The following TDRD9 variants were observed in gnomAD, a reference collection of about 807,000 sequenced individuals.
The protein encoded by TDRD9 is tudor domain containing 9.
Under a neutral mutation model 172.6 loss-of-function variants are expected in TDRD9, and 124 were observed. The observed-to-expected ratio is 0.72, with a 90% CI of 0.62 to 0.83. The LOEUF is 0.83. Ranked by LOEUF, TDRD9 falls within the 40% of genes least tolerant of loss-of-function variation. TDRD9 has a pLI of 0.00. For synonymous variants in TDRD9, 619 were observed against 617.1 expected (o/e 1.00, Z -0.05); for missense variants, 1,479 against 1,714.1 (o/e 0.86, Z 2.42).
rs745561719 is a variant in TDRD9, at chr14:103,995,725, A to G, written c.1321-25A>G. ...ATGTTCGGAATATAGTAGGAATGTC[A>G]GCTTTTTTCTTTGATGTTTAACAGA... On this transcript the variant is annotated intron_variant, in intron 11 of 35. Transcript: ENST00000409874. 7 of 1,574,152 alleles carry G rather than the reference A, an allele frequency of 4.4e-6. No individual in the cohort carries two copies. In the South Asian group the frequency reaches 6.0e-5, roughly 13 times the overall value.
chr14:104,024,753 C>T (rs1321056993), intron 25 of TDRD9, 73 bp downstream of exon 25: 16 of 18,194 alleles, frequency 8.8e-4, no homozygotes, highest in Non-Finnish European at 1.9e-3. Flanking sequence ...GAAGTTTACA[C>T]ACACACACAC....
chr14:103,940,636 A>AAC, intron 1 of TDRD9: 1 of 518,724 alleles, frequency 1.9e-6, no homozygotes, highest in East Asian at 2.9e-5. Flanking sequence ...ATTCAATGAA[A>AAC]ACATAGCATG....
chr14:104,024,061 G>A lies in TDRD9; in HGVS notation c.2607-508G>A, dbSNP rs112658967. Among the ~76,000 whole-genome samples the A allele has an allele frequency of 8.3e-4, 127 of 152,186 alleles. 2 individuals are homozygous for A. Among genetic ancestry groups the A allele is most frequent in the African/African-American group, 2.8e-3 (118 of 41,534 alleles). ...TTGTCTTTTGTATTCCAGAAGTTTA[G>A]CATTTACTATCTTATTGCCTTTAAG... On this transcript the variant is annotated intron_variant, in intron 24 of 35. Transcript: ENST00000409874.
chr14:104,008,879 A>G (rs1240209390), intron 20 of TDRD9, among the ~76,000 whole-genome samples: 1 of 152,218 alleles, frequency 6.6e-6, no homozygotes, highest in African/African-American at 2.4e-5. Context: ...GCACCAATAT[A>G]TTCTAGCCTG....
intron 2 of TDRD9, 69 bp from the exon 3 acceptor site, chr14:103,963,010 T>A (rs2032580837): frequency 2.4e-6 from 2 of 843,440 alleles, no homozygotes; most frequent in Non-Finnish European, 3.8e-6. Flanking sequence ...TATCTATAGA[T>A]TAGAACATTG....
chr14:103,973,081 G>A (rs922620792), intron 6 of TDRD9, among the ~76,000 whole-genome samples: 1 of 152,146 alleles, frequency 6.6e-6, no homozygotes, highest in African/African-American at 2.4e-5. Flanking sequence ...CTACACTGAT[G>A]GACATGTTGG....
At chr14:103,965,882 T>C (rs1012396930) in intron 4 of TDRD9, among the ~76,000 whole-genome samples, 2 of 151,514 alleles carry the variant, frequency 1.3e-5, no homozygotes, top group African/African-American at 4.9e-5. Context: ...GAGGCAGAGG[T>C]TGCAGTGAGC....
At chr14:104,009,847 C>G (rs1057058326) in intron 20 of TDRD9, among the ~76,000 whole-genome samples, 3 of 152,118 alleles carry the variant, frequency 2.0e-5, no homozygotes, top group Admixed American at 6.5e-5. Flanking sequence ...CTCATAGAAG[C>G]CTTGACTTCC....
chr14:104,003,867 G>C (rs756634353), intron 13 of TDRD9, among the ~76,000 whole-genome samples: 1 of 152,128 alleles, frequency 6.6e-6, no homozygotes, highest in Non-Finnish European at 1.5e-5. Context: ...CGCCAACCTC[G>C]TGACTTTCTG....
intron 8 of TDRD9, among the ~76,000 whole-genome samples, chr14:103,990,269 C>T (rs1324408724): frequency 6.6e-6 from 1 of 152,234 alleles, no homozygotes; most frequent in Non-Finnish European, 1.5e-5. Flanking sequence ...AGGTGTGGCT[C>T]ACCCTCATAG....
At chr14:104,037,994 C>A (rs1242564988) in intron 32 of TDRD9, among the ~76,000 whole-genome samples, 1 of 152,216 alleles carries the variant, frequency 6.6e-6, no homozygotes, top group Non-Finnish European at 1.5e-5. Context: ...CAGAGCCTGG[C>A]ACCTCCAGGA....
rs1185174121 is a variant in TDRD9, at chr14:104,051,703, TG to T, written c.4048-277del. 2.0e-5 allele frequency among the ~76,000 whole-genome samples: 3 copies of T among 152,370 alleles called. No homozygotes were observed. In the East Asian group the frequency reaches 5.8e-4, roughly 29 times the overall value. The stretch of plus-strand genomic sequence containing the variant: ...TGATTTGCACTTCTCTGATGATTAC[TG>T]ATGTGTGGAGCATTTTTAAATGTTT... On this transcript the variant is annotated intron_variant, in intron 35 of 35. Coordinates refer to ENST00000409874, the MANE Select transcript of TDRD9 (RefSeq NM_153046.3).
chr14:103,938,515 T>C (rs961235880), intron 1 of TDRD9, among the ~76,000 whole-genome samples: 17 of 146,784 alleles, frequency 1.2e-4, no homozygotes, highest in African/African-American at 3.8e-4. Context: ...CTTGGCTCAC[T>C]GCAACCTCTG....
chr14:103,953,645 G>C (rs777432510), intron 1 of TDRD9, among the ~76,000 whole-genome samples: 8 of 152,164 alleles, frequency 5.3e-5, no homozygotes, highest in Non-Finnish European at 4.4e-5. Flanking sequence ...CTGGGAACCA[G>C]GGTAACTGAT....
intron 1 of TDRD9, among the ~76,000 whole-genome samples, chr14:103,930,076 TA>T (rs982406206): frequency 2.0e-5 from 3 of 152,228 alleles, no homozygotes; most frequent in Non-Finnish European, 4.4e-5. Context: ...TCTCGCTCTT[TA>T]AAAAGGCCCT....
Position 104,032,012 on chromosome 14 carries a change from C to A in TDRD9, c.3439-5C>A. ...GGTAACACTTCCTATATTTTGTGCA[C>A]GCAGGCAGAACTTCACGGGCCTTTT... is the stretch of plus-strand genomic sequence containing the variant. On this transcript the variant is annotated splice_region_variant and splice_polypyrimidine_tract_variant and intron_variant, in intron 29 of 35. Transcript: ENST00000409874. 1.3e-6 allele frequency: 2 copies of A among 1,541,760 alleles called. No homozygotes were observed. Among genetic ancestry groups the A allele is most frequent in the Non-Finnish European group, 8.7e-7 (1 of 1,143,390 alleles).
At chr14:103,971,262 T>C (rs571625763) in intron 6 of TDRD9, among the ~76,000 whole-genome samples, 18 of 152,008 alleles carry the variant, frequency 1.2e-4, no homozygotes, top group African/African-American at 2.2e-4. Flanking sequence ...GGATTACAGG[T>C]GTGAGCCACC....
At chr14:104,026,257 G>C (rs2035114667) in intron 27 of TDRD9, 121 bp downstream of exon 27, 1 of 677,178 alleles carries the variant, frequency 1.5e-6, no homozygotes, top group African/African-American at 1.8e-5. Context: ...GCCCAGGACA[G>C]GGAGGGACTT....
rs2032687260 is a variant in TDRD9, at chr14:103,965,316, A to T, written c.421-17A>T. The T allele has an allele frequency of 6.5e-7, 1 of 1,549,532 alleles. No individual in the cohort carries two copies. On this transcript the variant is annotated splice_polypyrimidine_tract_variant and intron_variant, in intron 3 of 35. Transcript: ENST00000409874. Reference sequence around the variant, plus strand: ...GCCATTTTGTGCTGATTTTGAAAGAATTTTTTAAATTTCTAGGTTGTGTCT... The same window carrying T: ...GCCATTTTGTGCTGATTTTGAAAGATTTTTTTAAATTTCTAGGTTGTGTCT...
Sources: allele counts gnomAD v4.1 joint callset (sites outside exome capture counted in the v4.1 genomes callset), GRCh38; gene constraint gnomAD v4.1.1; transcripts MANE v1.5; gene names NCBI Gene and HGNC (gene_info 2026-07-23, HGNC 2026-07-21).